Variants in PHACTR3 observed in about 807,000 individuals in gnomAD.
The protein encoded by PHACTR3 is phosphatase and actin regulator 3, also known as protein phosphatase 1, regulatory subunit 123.
A neutral mutation model predicts 66.8 loss-of-function variants in PHACTR3; 16 were observed. The observed-to-expected ratio is 0.24, with a 90% CI of 0.16 to 0.36. The LOEUF is 0.36. Among genes scored for constraint, PHACTR3 ranks in the 10% least tolerant of loss-of-function variants. The probability of loss-of-function intolerance (pLI) is 1.00; values close to 1 mark genes in which losing one functional copy is unlikely to be tolerated. For synonymous variants in PHACTR3, 323 were observed against 292.1 expected (o/e 1.11, Z -1.08); for missense variants, 647 against 719.9 (o/e 0.90, Z 1.16).
chr20:59,693,991 G>A (rs56347562), intron 1 of PHACTR3, among the ~76,000 whole-genome samples: 1 of 152,160 alleles, frequency 6.6e-6, no homozygotes, highest in Non-Finnish European at 1.5e-5. Context: ...TTGATGGGAA[G>A]AACAGAGTTC....
chr20:59,639,944 G>A (rs1178406708), intron 1 of PHACTR3, among the ~76,000 whole-genome samples: 1 of 152,194 alleles, frequency 6.6e-6, no homozygotes. Flanking sequence ...GATGCCCCTA[G>A]GCCGACAGAG....
rs369293428 is a variant in PHACTR3 at position 59,739,508 on chromosome 20, GGCAC to G, written c.119-3598_119-3595del. 1.6e-3 allele frequency among the ~76,000 whole-genome samples: 241 copies of G among 152,262 alleles called. 1 individual carries two copies. Among genetic ancestry groups the G allele is most frequent in the African/African-American group, 5.0e-3 (208 of 41,576 alleles). On this transcript the variant is annotated intron_variant, in intron 1 of 12. Transcript: ENST00000371015. ...ATGGCAGAAGGTGAAGGGGAAGCAA[GGCAC>G]CTTCTTCACAAGGCAGCAGGAAGGA...
At chr20:59,708,130 T>C (rs1268470802) in intron 1 of PHACTR3, among the ~76,000 whole-genome samples, 3 of 152,180 alleles carry the variant, frequency 2.0e-5, no homozygotes, top group African/African-American at 7.2e-5. Context: ...CCTCTGTCTG[T>C]ACAGCTGGGT....
At chr20:59,802,916 G>A (rs1194775785) in intron 7 of PHACTR3, among the ~76,000 whole-genome samples, 1 of 152,216 alleles carries the variant, frequency 6.6e-6, no homozygotes, top group Non-Finnish European at 1.5e-5. Flanking sequence ...CTGGTCTGAA[G>A]ATAAATGAAA....
At chr20:59,739,366 A>G (rs1054443078) in intron 1 of PHACTR3, among the ~76,000 whole-genome samples, 1 of 152,156 alleles carries the variant, frequency 6.6e-6, no homozygotes, top group African/African-American at 2.4e-5. Flanking sequence ...ATACTGCTAC[A>G]AAGTGCCCCC....
intron 8 of PHACTR3, among the ~76,000 whole-genome samples, chr20:59,813,516 C>T (rs1006858180): frequency 6.6e-6 from 1 of 152,190 alleles, no homozygotes. Flanking sequence ...ATTCATGTAG[C>T]GTGCACGTGC....
intron 1 of PHACTR3, among the ~76,000 whole-genome samples, chr20:59,686,120 G>C (rs894856414): frequency 6.6e-6 from 1 of 152,188 alleles, no homozygotes; most frequent in Non-Finnish European, 1.5e-5. Flanking sequence ...CCACCTTAAA[G>C]ACAGGAATTC....
At chr20:59,622,044 G>T (rs557776815) in intron 1 of PHACTR3, among the ~76,000 whole-genome samples, 107 of 152,204 alleles carry the variant, frequency 7.0e-4, no homozygotes, top group African/African-American at 2.5e-3. Flanking sequence ...GAGTCATTGC[G>T]TGTGTATGCC....
chr20:59,642,454 G>A (rs1314726910), intron 1 of PHACTR3, among the ~76,000 whole-genome samples: 1 of 133,304 alleles, frequency 7.5e-6, no homozygotes, highest in Non-Finnish European at 1.5e-5. Context: ...CTACTTTTGT[G>A]TGTGTTCCTC....
chr20:59,829,978 C>A lies in PHACTR3; in HGVS notation c.1329-6527C>A, dbSNP rs1380330189. ...ATGCTTCTCCTGACCCCGTGTCCTT[C>A]CACTTCCTGAAATTACCTGCAGCCC... On this transcript the variant is annotated intron_variant, in intron 8 of 12. Coordinates refer to ENST00000371015, the MANE Select transcript of PHACTR3 (RefSeq NM_080672.5). This position sits in a 1 kb window ranked among gnomAD's most constrained non-coding sequence, Gnocchi z 4.2. Among the ~76,000 whole-genome samples, 1 of 152,172 alleles carries A rather than the reference C, an allele frequency of 6.6e-6. No homozygotes were observed. Among genetic ancestry groups the A allele is most frequent in the African/African-American group, 2.4e-5 (1 of 41,400 alleles).
At chr20:59,596,886 G>A (rs1020906942) in intron 1 of PHACTR3, among the ~76,000 whole-genome samples, 1 of 152,234 alleles carries the variant, frequency 6.6e-6, no homozygotes, top group African/African-American at 2.4e-5. Context: ...GAGCTTCCCA[G>A]CCTGGCCAGT....
At chr20:59,681,777 G>A (rs967460028) in intron 1 of PHACTR3, among the ~76,000 whole-genome samples, 6 of 152,224 alleles carry the variant, frequency 3.9e-5, no homozygotes, top group Non-Finnish European at 8.8e-5. Context: ...TTGGGAGGCC[G>A]AGGTGGGTGG....
intron 1 of PHACTR3, among the ~76,000 whole-genome samples, chr20:59,725,231 T>C (rs1244060849): frequency 6.9e-6 from 1 of 144,790 alleles, no homozygotes; most frequent in Non-Finnish European, 1.5e-5. Context: ...AGGTGTCCTG[T>C]GTGCTCAGTG....
At chr20:59,688,750 G>C (rs149141678) in intron 1 of PHACTR3, among the ~76,000 whole-genome samples, 1 of 152,062 alleles carries the variant, frequency 6.6e-6, no homozygotes, top group African/African-American at 2.4e-5. Flanking sequence ...AACACAGTGG[G>C]GGTAATGCAT....
chr20:59,803,768 A>G (rs1017363673), intron 7 of PHACTR3, among the ~76,000 whole-genome samples: 10 of 152,302 alleles, frequency 6.6e-5, no homozygotes, highest in Middle Eastern at 3.4e-3. Flanking sequence ...AAAGTCCGGG[A>G]TGAACATCCT....
intron 8 of PHACTR3, among the ~76,000 whole-genome samples, chr20:59,817,748 G>A (rs192095038): frequency 3.6e-4 from 55 of 152,334 alleles, no homozygotes; most frequent in African/African-American, 1.2e-3. Context: ...AAGAGAAACC[G>A]AAGATTTGAT....
chr20:59,631,471 A>G (rs1436171237), intron 1 of PHACTR3, among the ~76,000 whole-genome samples: 1 of 152,016 alleles, frequency 6.6e-6, no homozygotes, highest in Non-Finnish European at 1.5e-5. Context: ...TTGGGTAGCT[A>G]TGGAGGGAGG....
intron 1 of PHACTR3, among the ~76,000 whole-genome samples, chr20:59,741,669 G>A (rs2039165997): frequency 6.6e-6 from 1 of 151,886 alleles, no homozygotes; most frequent in South Asian, 2.1e-4. Context: ...AGGGACACAC[G>A]GCTTGTGCTA....
chr20:59,656,681 T>C (rs2035630321), intron 1 of PHACTR3, among the ~76,000 whole-genome samples: 1 of 151,992 alleles, frequency 6.6e-6, no homozygotes, highest in South Asian at 2.1e-4. Context: ...ATTTTATTTT[T>C]CATTTTCTAT....
Sources: allele counts gnomAD v4.1 joint callset (sites outside exome capture counted in the v4.1 genomes callset), GRCh38; gene constraint gnomAD v4.1.1; non-coding constraint Gnocchi (gnomAD v3.1); transcripts MANE v1.5; gene names NCBI Gene and HGNC (gene_info 2026-07-23, HGNC 2026-07-21).